The following BMP5 variants were observed in gnomAD, a reference collection of about 807,000 sequenced individuals.
BMP5 encodes bone morphogenetic protein 5.
In BMP5, 23 loss-of-function variants were observed where a neutral mutation model predicts 46.6. The observed-to-expected ratio is 0.49, with a 90% CI of 0.35 to 0.70. The LOEUF is 0.70. Among genes scored for constraint, BMP5 ranks in the 30% least tolerant of loss-of-function variants. The pLI is 0.00. For missense variants in BMP5, 545 were observed against 565.6 expected (o/e 0.96, Z 0.37); for synonymous variants, 204 against 191.9 (o/e 1.06, Z -0.52).
chr6:55,869,808 G>A (rs1777737068), intron 1 of BMP5, among the ~76,000 whole-genome samples: 1 of 152,160 alleles, frequency 6.6e-6, no homozygotes, highest in African/African-American at 2.4e-5. Flanking sequence ...CTCCCAGTGG[G>A]TGGAGGCTGC....
At position 55,755,369 on chromosome 6, in the gene BMP5, T is replaced by A. The variant is rs1043904840; in HGVS notation, c.*164A>T. ...CCTCCACAGAAGAGAATATATACGTTTAAATAAATAAAAATGACTATATAC... is the reference window on the plus strand; with the variant it reads ...CCTCCACAGAAGAGAATATATACGTATAAATAAATAAAAATGACTATATAC... On this transcript the variant is annotated 3_prime_UTR_variant, in exon 7 of 7. Coordinates refer to ENST00000370830, the MANE Select transcript of BMP5 (RefSeq NM_021073.4). 2 of 652,832 alleles carry A rather than the reference T, an allele frequency of 3.1e-6. No homozygotes were observed. The highest frequency in any genetic ancestry group is 5.2e-6 in the Non-Finnish European group (2 of 382,870). 40.4% of individuals were successfully genotyped at this position (652,832 alleles called of 1,614,324 possible). A position where few individuals can be genotyped will look rare whatever the true frequency, so the allele number is the denominator to read the frequency against.
intron 1 of BMP5, among the ~76,000 whole-genome samples, chr6:55,868,000 T>A (rs765398784): frequency 1.1e-4 from 17 of 152,280 alleles, no homozygotes; most frequent in Non-Finnish European, 2.1e-4. Context: ...ATGTGAGCAG[T>A]AATATGCCAT....
chr6:55,772,880 T>C (rs1450415386), intron 4 of BMP5: 6 of 985,002 alleles, frequency 6.1e-6, no homozygotes, highest in Non-Finnish European at 7.2e-6. Flanking sequence ...AAAAGTCCAA[T>C]GAATTCCACC....
intron 4 of BMP5, among the ~76,000 whole-genome samples, chr6:55,762,034 C>A (rs1433059118): frequency 6.6e-6 from 1 of 151,970 alleles, no homozygotes; most frequent in Non-Finnish European, 1.5e-5. Flanking sequence ...ATCTGAAATA[C>A]CCATAACTTT....
At chr6:55,859,949 T>G (rs1455847951) in intron 1 of BMP5, among the ~76,000 whole-genome samples, 1 of 152,170 alleles carries the variant, frequency 6.6e-6, no homozygotes, top group Non-Finnish European at 1.5e-5. Flanking sequence ...TAGTTCAAAT[T>G]TATTTGGCCA....
chr6:55,802,253 G>C (rs1438014547), intron 2 of BMP5, among the ~76,000 whole-genome samples: 1 of 152,138 alleles, frequency 6.6e-6, no homozygotes, highest in South Asian at 2.1e-4. Flanking sequence ...TATTAAATTG[G>C]AAGTTGAAAC....
intron 3 of BMP5, among the ~76,000 whole-genome samples, chr6:55,774,734 C>A (rs1397934886): frequency 6.6e-6 from 1 of 151,932 alleles, no homozygotes; most frequent in Admixed American, 6.6e-5. Context: ...ACCTTCACTT[C>A]TGGCCAGTGC....
chr6:55,814,747 A>G (rs1237369365), intron 2 of BMP5, among the ~76,000 whole-genome samples: 1 of 152,230 alleles, frequency 6.6e-6, no homozygotes, highest in East Asian at 1.9e-4. Context: ...ACAATGCAGA[A>G]TAATGAACTT....
At chr6:55,792,207 A>G (rs1775586643) in intron 3 of BMP5, among the ~76,000 whole-genome samples, 1 of 152,200 alleles carries the variant, frequency 6.6e-6, no homozygotes, top group African/African-American at 2.4e-5. Context: ...TGCCTATAAT[A>G]CTTTCAGTAA....
At chr6:55,798,341 G>T (rs763485697) in intron 2 of BMP5, among the ~76,000 whole-genome samples, 30 of 152,004 alleles carry the variant, frequency 2.0e-4, no homozygotes, top group Admixed American at 7.2e-4. Flanking sequence ...TAATAAAGCG[G>T]GTTTTTTTAA....
At chr6:55,799,775 T>G (rs139561194) in intron 2 of BMP5, among the ~76,000 whole-genome samples, 9 of 152,326 alleles carry the variant, frequency 5.9e-5, no homozygotes, top group African/African-American at 2.2e-4. Flanking sequence ...AACTTGCTGC[T>G]GCCCGAGATA....
At chr6:55,846,978 A>T (rs1777112016) in intron 1 of BMP5, among the ~76,000 whole-genome samples, 1 of 151,874 alleles carries the variant, frequency 6.6e-6, no homozygotes, top group African/African-American at 2.4e-5. Context: ...ATATGAAATT[A>T]TTGCTCTAAA....
At chr6:55,847,342 C>T (rs1467661356) in intron 1 of BMP5, among the ~76,000 whole-genome samples, 1 of 151,892 alleles carries the variant, frequency 6.6e-6, no homozygotes, top group South Asian at 2.1e-4. Context: ...CTTTTCCTAT[C>T]CTGAGACAAA....
intron 1 of BMP5, among the ~76,000 whole-genome samples, chr6:55,850,836 T>C (rs971527688): frequency 1.3e-5 from 2 of 152,190 alleles, no homozygotes; most frequent in African/African-American, 4.8e-5. Flanking sequence ...TGTGTAAATG[T>C]GGGCCTCTCC....
chr6:55,770,360 A>G (rs770601371), intron 4 of BMP5, among the ~76,000 whole-genome samples: 12 of 151,912 alleles, frequency 7.9e-5, no homozygotes, highest in Admixed American at 2.6e-4. Context: ...TCATGAACCA[A>G]TATCTGCTAC....
At chr6:55,779,274 T>C (rs1775250350) in intron 3 of BMP5, among the ~76,000 whole-genome samples, 1 of 152,058 alleles carries the variant, frequency 6.6e-6, no homozygotes. Flanking sequence ...TTCGTTTTTT[T>C]CTCCTCTAAA....
intron 2 of BMP5, among the ~76,000 whole-genome samples, chr6:55,803,081 T>A (rs990565108): frequency 1.3e-4 from 18 of 140,348 alleles, no homozygotes; most frequent in African/African-American, 4.8e-4. Flanking sequence ...AGGTCAGGAG[T>A]TCGAGACCAG....
At chr6:55,835,964 A>G (rs1355012829) in intron 1 of BMP5, among the ~76,000 whole-genome samples, 2 of 152,214 alleles carry the variant, frequency 1.3e-5, no homozygotes, top group East Asian at 3.8e-4. Context: ...TATGTTTTCA[A>G]TACATTTTGA....
At chr6:55,763,915 T>C (rs1325566460) in intron 4 of BMP5, among the ~76,000 whole-genome samples, 1 of 152,210 alleles carries the variant, frequency 6.6e-6, no homozygotes, top group Non-Finnish European at 1.5e-5. Flanking sequence ...TTGATTCTTT[T>C]TGTCTTAGAA....
Sources: allele counts gnomAD v4.1 joint callset (sites outside exome capture counted in the v4.1 genomes callset), GRCh38; gene constraint gnomAD v4.1.1; transcripts MANE v1.5; gene names NCBI Gene and HGNC (gene_info 2026-07-23, HGNC 2026-07-21).